The following PGM2 variants were observed in gnomAD, a reference collection of about 807,000 sequenced individuals.
PGM2 encodes the protein phosphopentomutase.
A neutral mutation model predicts 74.6 loss-of-function variants in PGM2; 57 were observed. The observed-to-expected ratio is 0.76, with a 90% CI of 0.62 to 0.95. PGM2 has a LOEUF of 0.95. Ranked by LOEUF, PGM2 falls within the 40% of genes least tolerant of loss-of-function variation. PGM2 has a pLI of 0.00. For synonymous variants in PGM2, 273 were observed against 260.7 expected (o/e 1.05, Z -0.46); for missense variants, 706 against 741.9 (o/e 0.95, Z 0.56).
intron 7 of PGM2, among the ~76,000 whole-genome samples, chr4:37,845,076 C>A (rs1725835214): frequency 6.6e-6 from 1 of 151,718 alleles, no homozygotes; most frequent in Non-Finnish European, 1.5e-5. Flanking sequence ...GATATGAGAA[C>A]TGAGCTCTAA....
intron 10 of PGM2, chr4:37,847,608 C>G (rs1244068833): frequency 1.5e-5 from 5 of 329,326 alleles, no homozygotes; most frequent in African/African-American, 1.1e-4. Context: ...GGTTAATATC[C>G]AGGCCTAAAC....
rs1725672560 is a variant in PGM2 at position 37,840,203 on chromosome 4, G to A, written c.663G>A (p.Pro221=). ...ATAGCAGTCCACTTCTCCACAATCC[G>A]AGTGCTTCCATCAATAATGACTACT... ...LIDSSPLLHN[P]SASINNDYFE... The change falls in exon 6 of 14, where the codon CCG becomes CCA. Residue 221 remains proline (P), a synonymous_variant. Coordinates refer to ENST00000381967, the MANE Select transcript of PGM2 (RefSeq NM_018290.4). The A allele has an allele frequency of 1.9e-6, 3 of 1,612,994 alleles. No homozygotes were observed. Among genetic ancestry groups the A allele is most frequent in the Admixed American group, 1.7e-5 (1 of 60,010 alleles).
At chr4:37,858,435 C>T (rs745663350) in intron 13 of PGM2, among the ~76,000 whole-genome samples, 32 of 151,498 alleles carry the variant, frequency 2.1e-4, no homozygotes, top group Non-Finnish European at 3.5e-4. Flanking sequence ...CTCCTGGGTT[C>T]AAGCGATTCT....
intron 6 of PGM2, among the ~76,000 whole-genome samples, chr4:37,840,615 C>T (rs1031359291): frequency 2.6e-5 from 4 of 152,150 alleles, no homozygotes; most frequent in Non-Finnish European, 5.9e-5. Context: ...GAACTCCTGG[C>T]CTCAAGTGAT....
At chr4:37,854,694 T>G (rs143827995) in intron 12 of PGM2, among the ~76,000 whole-genome samples, 1 of 151,418 alleles carries the variant, frequency 6.6e-6, no homozygotes, top group East Asian at 1.9e-4. Context: ...CAAAAAAAAC[T>G]CCTTATGGAA....
chr4:37,855,519 G>T, intron 12 of PGM2, 89 bp from the exon 13 acceptor site: 2 of 1,146,636 alleles, frequency 1.7e-6, no homozygotes, highest in East Asian at 2.5e-5. Flanking sequence ...AGATTTGTTT[G>T]GCATTTATTT....
chr4:37,843,016 A>G (rs1209407332), intron 6 of PGM2, among the ~76,000 whole-genome samples: 1 of 152,172 alleles, frequency 6.6e-6, no homozygotes, highest in Non-Finnish European at 1.5e-5. Context: ...CTGGTATATT[A>G]TCATGCATGT....
At chr4:37,827,951 T>C (rs1725341381) in intron 1 of PGM2, among the ~76,000 whole-genome samples, 2 of 152,232 alleles carry the variant, frequency 1.3e-5, no homozygotes, top group Admixed American at 6.5e-5. Flanking sequence ...CCTTGGTTTG[T>C]AGTGCCTGGC....
At chr4:37,846,834 T>G (rs2290742) in intron 8 of PGM2, 97 bp from the exon 9 acceptor site, 39,449 of 920,084 alleles carry the variant, frequency 0.043, 2,207 homozygotes, top group African/African-American at 0.18. Flanking sequence ...AATACTTAGA[T>G]GCTTTGTTTG....
Position 37,839,940 on chromosome 4 carries a change from CT to C in PGM2, c.525+14del. The C allele has an allele frequency of 6.4e-7, 1 of 1,556,416 alleles. No individual in the cohort carries two copies. Among genetic ancestry groups the C allele is most frequent in the Non-Finnish European group, 8.9e-7 (1 of 1,128,094 alleles). The stretch of plus-strand genomic sequence containing the variant: ...AGGATAATGGTTATAAGGTATTTTC[CT>C]TTTTCTACTCCACACGTACATCCTT... On this transcript the variant is annotated intron_variant, in intron 5 of 13. Coordinates refer to ENST00000381967, the MANE Select transcript of PGM2 (RefSeq NM_018290.4).
At chr4:37,838,204 T>A (rs187490478) in intron 4 of PGM2, among the ~76,000 whole-genome samples, 18 of 152,288 alleles carry the variant, frequency 1.2e-4, no homozygotes, top group African/African-American at 3.8e-4. Context: ...TAAATTTGGT[T>A]TGTAGTTCTT....
At chr4:37,839,670 A>C (rs934262106) in intron 4 of PGM2, 178 bp from the exon 5 acceptor site, 2 of 694,446 alleles carry the variant, frequency 2.9e-6, no homozygotes, top group African/African-American at 3.5e-5. Context: ...ATGAGCAGCC[A>C]GTTAATTCTA....
At chr4:37,851,728 A>T (rs1340211156) in intron 12 of PGM2, among the ~76,000 whole-genome samples, 1 of 152,088 alleles carries the variant, frequency 6.6e-6, no homozygotes, top group Non-Finnish European at 1.5e-5. Flanking sequence ...CCAGTTTTAC[A>T]ATTTGTTGAC....
chr4:37,839,111 ATTTTT>A (rs60423053), intron 4 of PGM2, among the ~76,000 whole-genome samples: 7 of 94,624 alleles, frequency 7.4e-5, no homozygotes, highest in East Asian at 2.6e-4. Flanking sequence ...ATTCCCTCAA[ATTTTT>A]TTTTTTTTTT....
At position 37,847,200 on chromosome 4, in the gene PGM2, A is replaced by T. The variant is rs778696706; in HGVS notation, c.1189-2A>T. On this transcript the variant is annotated splice_acceptor_variant, in intron 9 of 13. Transcript: ENST00000381967. LOFTEE classifies it high-confidence loss of function. ...TCTTTCTCTTTTGGATTATCCCTTTAGGAAACATTAACTGGCTTTAAGTGG... is the reference window on the plus strand; with the variant it reads ...TCTTTCTCTTTTGGATTATCCCTTTTGGAAACATTAACTGGCTTTAAGTGG... 6.2e-7 allele frequency: 1 copy of T among 1,612,448 alleles called. No individual in the cohort carries two copies. The highest frequency in any genetic ancestry group is 1.3e-5 in the African/African-American group (1 of 74,894).
intron 2 of PGM2, among the ~76,000 whole-genome samples, chr4:37,831,193 A>AAAAAAAAC (rs1491203449): frequency 2.0e-5 from 1 of 48,892 alleles, no homozygotes; most frequent in Non-Finnish European, 4.8e-5. Flanking sequence ...ACTCTGTCTC[A>AAAAAAAAC]AAAAAAAAAA....
At chr4:37,851,477 G>C (rs1726037912) in intron 12 of PGM2, among the ~76,000 whole-genome samples, 1 of 113,068 alleles carries the variant, frequency 8.8e-6, no homozygotes, top group Non-Finnish European at 2.1e-5. Context: ...GAAGAGTGTT[G>C]CTTTCTATGT....
chr4:37,828,666 A>G (rs2911909), intron 1 of PGM2, among the ~76,000 whole-genome samples: 119,507 of 152,088 alleles, frequency 0.79, 47,352 homozygotes, highest in East Asian at 0.88. Flanking sequence ...CAGGCTACTT[A>G]GTCTTTCATA....
chr4:37,857,909 TCTTG>T (rs1711583713), intron 13 of PGM2, among the ~76,000 whole-genome samples: 1 of 152,346 alleles, frequency 6.6e-6, no homozygotes, highest in African/African-American at 2.4e-5. Flanking sequence ...TCTTTATAAT[TCTTG>T]CTTATTTAGT....
Sources: gnomAD v4.1 joint callset for allele counts (sites outside exome capture counted in the v4.1 genomes callset) on GRCh38, gnomAD v4.1.1 for gene constraint, MANE v1.5 for transcripts, NCBI Gene and HGNC (gene_info 2026-07-23, HGNC 2026-07-21) for gene names.